The following RAPGEF4 variants were observed in gnomAD, a reference collection of about 807,000 sequenced individuals.
The protein encoded by RAPGEF4 is Rap guanine nucleotide exchange factor 4.
In RAPGEF4, 66 loss-of-function variants were observed where a neutral mutation model predicts 147.9. That is an observed-to-expected ratio of 0.45 (90% confidence interval 0.37 to 0.55). RAPGEF4 has a LOEUF of 0.55. Among genes scored for constraint, RAPGEF4 ranks in the 20% least tolerant of loss-of-function variants. The probability of loss-of-function intolerance (pLI) is 0.00; values close to 1 mark genes in which losing one functional copy is unlikely to be tolerated. For missense variants in RAPGEF4, 1,071 were observed against 1,257.3 expected, an observed-to-expected ratio of 0.85 and a Z score of 2.24; for synonymous variants, 419 against 442.7, an observed-to-expected ratio of 0.95 and a Z score of 0.67.
intron 6 of RAPGEF4, among the ~76,000 whole-genome samples, chr2:172,947,675 T>TAAA (rs1687810660): frequency 1.3e-5 from 2 of 152,204 alleles, no homozygotes; most frequent in African/African-American, 4.8e-5. Context: ...AATGTTTTTA[T>TAAA]AAACTTCAAA....
chr2:172,759,457 TC>T (rs2149462073), intron 1 of RAPGEF4, among the ~76,000 whole-genome samples: 1 of 152,140 alleles, frequency 6.6e-6, no homozygotes, highest in South Asian at 2.1e-4. Context: ...GGGTGTTATT[TC>T]TCCATAACAG....
chr2:172,881,778 C>T (rs2149856634), intron 4 of RAPGEF4, among the ~76,000 whole-genome samples: 1 of 152,340 alleles, frequency 6.6e-6, no homozygotes, highest in African/African-American at 2.4e-5. Context: ...AATTGTACTT[C>T]TAAGGATCTG....
Position 172,895,060 on chromosome 2 carries a change from T to C in RAPGEF4, c.445-22742T>C, listed in dbSNP as rs187532539. 6.1e-3 allele frequency among the ~76,000 whole-genome samples: 923 copies of C among 152,100 alleles called. 11 individuals carry two copies. The highest frequency in any genetic ancestry group is 8.5e-3 in the Non-Finnish European group (578 of 67,988). ...ATAGCTTCTGGTGTGTGAGGGAAGG[T>C]GGGGAGCGATTTGTTGTTACTTTCT... is the stretch of plus-strand genomic sequence containing the variant. On this transcript the variant is annotated intron_variant, in intron 4 of 30. Coordinates refer to ENST00000397081, the MANE Select transcript of RAPGEF4 (RefSeq NM_007023.4).
intron 4 of RAPGEF4, among the ~76,000 whole-genome samples, chr2:172,819,773 G>A (rs1688894034): frequency 6.6e-6 from 1 of 150,566 alleles, no homozygotes; most frequent in Non-Finnish European, 1.5e-5. Flanking sequence ...CCCATTTTTA[G>A]TTCTTGAGAC....
At chr2:172,965,799 C>T (rs1689774665) in intron 9 of RAPGEF4, 116 bp downstream of exon 9, 2 of 1,315,426 alleles carry the variant, frequency 1.5e-6, no homozygotes, top group Non-Finnish European at 2.1e-6. Context: ...CTTTAGGGAC[C>T]TGCAGAGCTA....
chr2:173,041,104 G>A (rs1684707852), intron 29 of RAPGEF4, among the ~76,000 whole-genome samples: 1 of 152,124 alleles, frequency 6.6e-6, no homozygotes, highest in Non-Finnish European at 1.5e-5. Context: ...AAACATTACA[G>A]AAGCTAATTC....
intron 4 of RAPGEF4, among the ~76,000 whole-genome samples, chr2:172,874,581 T>A (rs920632507): frequency 2.0e-5 from 3 of 152,168 alleles, no homozygotes; most frequent in Non-Finnish European, 4.4e-5. Context: ...CATGAACTCA[T>A]CCTTTTTATG....
chr2:172,879,576 A>C (rs1308713247), intron 4 of RAPGEF4, among the ~76,000 whole-genome samples: 1 of 152,176 alleles, frequency 6.6e-6, no homozygotes, highest in Non-Finnish European at 1.5e-5. Flanking sequence ...CGAGACGAGC[A>C]GATCACTTGA....
At chr2:172,923,108 A>T (rs186996675) in intron 6 of RAPGEF4, among the ~76,000 whole-genome samples, 4 of 152,250 alleles carry the variant, frequency 2.6e-5, no homozygotes, top group African/African-American at 9.6e-5. Context: ...GGGAAGATAT[A>T]CTCTCTGAAT....
At chr2:172,861,753 T>C (rs1227922535) in intron 4 of RAPGEF4, among the ~76,000 whole-genome samples, 1 of 152,234 alleles carries the variant, frequency 6.6e-6, no homozygotes, top group Non-Finnish European at 1.5e-5. Context: ...TGTTGCCAAA[T>C]ATATTAGACC....
intron 30 of RAPGEF4, 93 bp downstream of exon 30, chr2:173,048,747 T>C: frequency 6.3e-7 from 1 of 1,583,210 alleles, no homozygotes; most frequent in South Asian, 1.2e-5. Context: ...GCCTGGGAAA[T>C]ATCTGACTGT....
Position 173,020,692 on chromosome 2 carries a change from C to G in RAPGEF4, c.2230C>G (p.Pro744Ala). 6.2e-7 allele frequency: 1 copy of G among 1,613,774 alleles called. No individual in the cohort carries two copies. Among genetic ancestry groups the G allele is most frequent in the Non-Finnish European group, 8.5e-7 (1 of 1,179,842 alleles). The change falls in exon 23 of 31, where the codon CCG becomes GCG. Residue 744 changes from proline to alanine, a missense_variant. Physicochemically the swap from Pro to Ala is conservative, Grantham distance 27. Coordinates refer to ENST00000397081, the MANE Select transcript of RAPGEF4 (RefSeq NM_007023.4). The part of the protein sequence containing the change: ...LTINGRLFAC[P>A]REQFDSLTPL... ...CATTAATGGACGCCTGTTTGCTTGC[C>G]CGCGAGAGCAATTCGATTCACTGGT...
intron 4 of RAPGEF4, among the ~76,000 whole-genome samples, chr2:172,887,871 T>A (rs1041318703): frequency 6.6e-6 from 1 of 152,222 alleles, no homozygotes; most frequent in African/African-American, 2.4e-5. Flanking sequence ...TTTTTCATCT[T>A]CTTTGTGAGA....
chr2:172,903,294 G>C (rs1240289739), intron 4 of RAPGEF4, among the ~76,000 whole-genome samples: 1 of 151,418 alleles, frequency 6.6e-6, no homozygotes, highest in Non-Finnish European at 1.5e-5. Flanking sequence ...GCGTGAACCT[G>C]GGAGGAGGAG....
rs373177483 is a variant in RAPGEF4 at position 172,966,421 on chromosome 2, G to A, written c.820+738G>A. On this transcript the variant is annotated intron_variant, in intron 9 of 30. Transcript: ENST00000397081. ...TAAAGTGCAGATTCTGATGTAGCTC[G>A]TCTGGAATGGACTTAGAGTCTGTAT... is the stretch of plus-strand genomic sequence containing the variant. Among the ~76,000 whole-genome samples, 125 of 152,302 alleles carry A rather than the reference G, an allele frequency of 8.2e-4. 4 individuals are homozygous for A. In the South Asian group the frequency reaches 0.02, roughly 25 times the overall value.
chr2:173,047,575 T>C (rs1421224338), intron 29 of RAPGEF4, among the ~76,000 whole-genome samples: 1 of 152,196 alleles, frequency 6.6e-6, no homozygotes. Context: ...TATTTTTAAA[T>C]ATAAGAAGGC....
At chr2:172,923,686 T>G (rs945250245) in intron 6 of RAPGEF4, among the ~76,000 whole-genome samples, 4 of 152,248 alleles carry the variant, frequency 2.6e-5, no homozygotes, top group Admixed American at 2.6e-4. Context: ...ACTTGATTTG[T>G]CTAAACATCC....
At chr2:173,033,089 G>A (rs766399960) in intron 26 of RAPGEF4, among the ~76,000 whole-genome samples, 1 of 152,240 alleles carries the variant, frequency 6.6e-6, no homozygotes, top group South Asian at 2.1e-4. Context: ...ATCTATTGGT[G>A]TAGATATGTG....
chr2:172,778,696 T>A (rs983977972), intron 1 of RAPGEF4, among the ~76,000 whole-genome samples: 1 of 152,196 alleles, frequency 6.6e-6, no homozygotes, highest in Non-Finnish European at 1.5e-5. Flanking sequence ...TTTCATTTAT[T>A]ATATGGTTTA....
Sources: gnomAD v4.1 joint callset for allele counts (sites outside exome capture counted in the v4.1 genomes callset) on GRCh38, gnomAD v4.1.1 for gene constraint, MANE v1.5 for transcripts, NCBI Gene and HGNC (gene_info 2026-07-23, HGNC 2026-07-21) for gene names.